The following CCSER1 variants were observed in gnomAD, a reference collection of about 807,000 sequenced individuals.
The protein encoded by CCSER1 is serine-rich coiled-coil domain-containing protein 1.
CCSER1 carries 41 observed loss-of-function variants against 82.0 expected under a neutral mutation model. That is an observed-to-expected ratio of 0.50 (90% confidence interval 0.39 to 0.65). The LOEUF is 0.65. Among genes scored for constraint, CCSER1 ranks in the 30% least tolerant of loss-of-function variants. CCSER1 has a pLI of 0.00. For missense variants in CCSER1, 1,119 were observed against 1,064.2 expected, an observed-to-expected ratio of 1.05 and a Z score of -0.72; for synonymous variants, 414 against 383.9, an observed-to-expected ratio of 1.08 and a Z score of -0.92.
intron 8 of CCSER1, among the ~76,000 whole-genome samples, chr4:90,866,754 T>G (rs1001699123): frequency 6.6e-6 from 1 of 152,016 alleles, no homozygotes; most frequent in Non-Finnish European, 1.5e-5. Context: ...GGACTGGTTT[T>G]GTGGAAGACA....
intron 8 of CCSER1, among the ~76,000 whole-genome samples, chr4:90,897,526 C>T (rs1455075737): frequency 2.6e-5 from 4 of 151,914 alleles, no homozygotes; most frequent in South Asian, 2.1e-4. Flanking sequence ...CATTTTCTTA[C>T]CCAATTCTTG....
chr4:91,136,253 G>A (rs190633947), intron 10 of CCSER1, among the ~76,000 whole-genome samples: 1 of 152,210 alleles, frequency 6.6e-6, no homozygotes, highest in African/African-American at 2.4e-5. Context: ...TCATACATTT[G>A]CCAGTGTTTT....
At chr4:91,399,991 GTCTGAT>G (rs1464051860) in intron 10 of CCSER1, among the ~76,000 whole-genome samples, 14 of 151,820 alleles carry the variant, frequency 9.2e-5, no homozygotes. Flanking sequence ...TCTTCTCTCA[GTCTGAT>G]TCTAATTGAT....
intron 8 of CCSER1, among the ~76,000 whole-genome samples, chr4:90,901,902 C>T (rs995740172): frequency 6.6e-5 from 10 of 151,854 alleles, no homozygotes; most frequent in Non-Finnish European, 1.2e-4. Context: ...TTGTCTTTTT[C>T]TTCTTCCTCA....
intron 1 of CCSER1, among the ~76,000 whole-genome samples, chr4:90,300,830 A>G (rs1344863130): frequency 6.6e-6 from 1 of 151,824 alleles, no homozygotes; most frequent in African/African-American, 2.4e-5. Context: ...CAAAAGAAAG[A>G]GTATTTGTTT....
chr4:91,278,764 C>T (rs1560562323), intron 10 of CCSER1, among the ~76,000 whole-genome samples: 1 of 151,702 alleles, frequency 6.6e-6, no homozygotes, highest in Non-Finnish European at 1.5e-5. Context: ...ATTTATTTCT[C>T]CTTCTTATTG....
At chr4:90,257,746 G>C (rs1216980992) in intron 1 of CCSER1, among the ~76,000 whole-genome samples, 4 of 152,246 alleles carry the variant, frequency 2.6e-5, no homozygotes, top group Middle Eastern at 6.8e-3. Flanking sequence ...CAATTACATA[G>C]TTCCAGTCTG....
intron 5 of CCSER1, among the ~76,000 whole-genome samples, chr4:90,611,026 C>T (rs1474197081): frequency 2.7e-5 from 4 of 149,058 alleles, no homozygotes; most frequent in South Asian, 2.1e-4. Context: ...TACAGGCGCC[C>T]GCCACCATGC....
At chr4:90,805,103 T>G (rs2149715142) in intron 7 of CCSER1, among the ~76,000 whole-genome samples, 1 of 152,342 alleles carries the variant, frequency 6.6e-6, no homozygotes, top group Admixed American at 6.5e-5. Flanking sequence ...GTCTCTATGT[T>G]TAGATGATCT....
At chr4:91,496,398 T>C (rs546895820) in intron 10 of CCSER1, among the ~76,000 whole-genome samples, 43 of 150,286 alleles carry the variant, frequency 2.9e-4, no homozygotes, top group Admixed American at 2.3e-3. Context: ...TTACTAAACA[T>C]ATGCTTCTTT....
rs1295208167 is a variant in CCSER1 at position 91,296,477 on chromosome 4, A to G, written c.2217+210483A>G. On this transcript the variant is annotated intron_variant, in intron 10 of 10. Transcript: ENST00000509176. ...TATATATATATATATGTATATATAT[A>G]TATATATATTTTAATTAAATATACA... Among the ~76,000 whole-genome samples the G allele has an allele frequency of 6.0e-5, 8 of 132,676 alleles. 1 individual carries two copies. In the South Asian group the frequency reaches 1.8e-3, roughly 31 times the overall value. 87.0% of individuals were successfully genotyped at this position (132,676 alleles called of 152,430 possible).
chr4:91,297,757 C>A (rs921498531), intron 10 of CCSER1, among the ~76,000 whole-genome samples: 2 of 151,830 alleles, frequency 1.3e-5, no homozygotes, highest in Non-Finnish European at 2.9e-5. Context: ...TGTAAGCAGA[C>A]AGCCAACCAA....
At chr4:90,362,317 A>G (rs1246688102) in intron 3 of CCSER1, among the ~76,000 whole-genome samples, 1 of 152,210 alleles carries the variant, frequency 6.6e-6, no homozygotes, top group Non-Finnish European at 1.5e-5. Context: ...AAAACAATTC[A>G]GAATGCCAAA....
At chr4:90,593,466 T>C (rs895025811) in intron 5 of CCSER1, among the ~76,000 whole-genome samples, 3 of 152,082 alleles carry the variant, frequency 2.0e-5, no homozygotes, top group African/African-American at 7.2e-5. Context: ...TTACAGAATT[T>C]TTGGGGGTTT....
intron 10 of CCSER1, among the ~76,000 whole-genome samples, chr4:91,538,229 A>G (rs1761396304): frequency 6.6e-6 from 1 of 152,098 alleles, no homozygotes; most frequent in Non-Finnish European, 1.5e-5. Flanking sequence ...TAGATACTCC[A>G]AACTAAATAA....
intron 3 of CCSER1, among the ~76,000 whole-genome samples, chr4:90,347,542 A>G (rs1742587664): frequency 1.3e-5 from 2 of 152,154 alleles, no homozygotes; most frequent in South Asian, 2.1e-4. Context: ...CTGCTCTTGT[A>G]TCTCACCCTG....
At chr4:90,629,968 A>G (rs1579581770) in intron 6 of CCSER1, among the ~76,000 whole-genome samples, 1 of 152,206 alleles carries the variant, frequency 6.6e-6, no homozygotes. Context: ...TTCTGACTGT[A>G]CAGATTTCCA....
chr4:91,103,977 A>G (rs1175599284), intron 10 of CCSER1, among the ~76,000 whole-genome samples: 1 of 152,054 alleles, frequency 6.6e-6, no homozygotes, highest in Non-Finnish European at 1.5e-5. Flanking sequence ...CTGGGAAAGG[A>G]ATGCATTCCT....
chr4:90,505,594 A>G (rs533310585), intron 5 of CCSER1, among the ~76,000 whole-genome samples: 317 of 152,314 alleles, frequency 2.1e-3, no homozygotes, highest in Non-Finnish European at 3.2e-3. Flanking sequence ...GTGCTAAACA[A>G]GGCGTGGATT....
Sources: gnomAD v4.1 joint callset for allele counts (sites outside exome capture counted in the v4.1 genomes callset) on GRCh38, gnomAD v4.1.1 for gene constraint, MANE v1.5 for transcripts, NCBI Gene and HGNC (gene_info 2026-07-23, HGNC 2026-07-21) for gene names.